The following FHIP2B variants were observed in gnomAD, a reference collection of about 807,000 sequenced individuals.
FHIP2B encodes the protein FHF complex subunit HOOK interacting protein 2B.
A neutral mutation model predicts 84.0 loss-of-function variants in FHIP2B; 72 were observed. That is an observed-to-expected ratio of 0.86 (90% confidence interval 0.71 to 1.04). The LOEUF (loss-of-function observed/expected upper bound fraction) is 1.04. FHIP2B is among the 50% of genes least tolerant of loss of function. The probability of loss-of-function intolerance (pLI) is 0.00; values close to 1 mark genes in which losing one functional copy is unlikely to be tolerated. For missense variants in FHIP2B, 972 were observed against 968.9 expected (o/e 1.00, Z -0.04); for synonymous variants, 497 against 418.7 (o/e 1.19, Z -2.28).
chr8:22,096,294 C>T, intron 2 of FHIP2B, 43 bp from the exon 3 acceptor site: 1 of 1,465,156 alleles, frequency 6.8e-7, no homozygotes, highest in Non-Finnish European at 9.1e-7. Flanking sequence ...AGCCGGGGTG[C>T]CCCTCTTTAC....
At chr8:22,096,093 CT>C in intron 2 of FHIP2B, 12 of 430,780 alleles carry the variant, frequency 2.8e-5, no homozygotes, top group Non-Finnish European at 4.5e-5. Context: ...CTGCTGCCCC[CT>C]GATAAAGGGC....
intron 2 of FHIP2B, chr8:22,095,531 A>G (rs1184184909): frequency 6.6e-6 from 1 of 152,214 alleles, no homozygotes; most frequent in African/African-American, 2.4e-5. Flanking sequence ...CTTGAAGGAG[A>G]GCCTCAGTCC....
chr8:22,089,771 G>C, intron 1 of FHIP2B: 1 of 1,285,334 alleles, frequency 7.8e-7, no homozygotes, highest in East Asian at 5.6e-5. Flanking sequence ...ACAACTCCAG[G>C]ACCTTGTTGG....
chr8:22,091,701 G>A (rs994704606), intron 1 of FHIP2B, among the ~76,000 whole-genome samples: 3 of 152,142 alleles, frequency 2.0e-5, no homozygotes, highest in South Asian at 4.1e-4. Flanking sequence ...GTCTCCTGCC[G>A]TACTGGAGTA....
chr8:22,101,196 T>C (rs1826093069), intron 12 of FHIP2B: 1 of 655,048 alleles, frequency 1.5e-6, no homozygotes, highest in Non-Finnish European at 2.6e-6. Context: ...CTAATTTTTA[T>C]AGTTTTAGTA....
intron 2 of FHIP2B, chr8:22,096,110 A>G (rs1291871387): frequency 8.4e-6 from 4 of 477,300 alleles, no homozygotes; most frequent in African/African-American, 2.0e-5. Flanking sequence ...AGGGCTGGGC[A>G]TGCATGCGTT....
chr8:22,090,517 T>C (rs1825434122), intron 1 of FHIP2B, among the ~76,000 whole-genome samples: 1 of 152,194 alleles, frequency 6.6e-6, no homozygotes, highest in Non-Finnish European at 1.5e-5. Flanking sequence ...ACAGCTGTGA[T>C]CTTCAAAAGT....
chr8:22,096,299 C>G (rs747212164), intron 2 of FHIP2B, 38 bp from the exon 3 acceptor site: 5 of 1,499,046 alleles, frequency 3.3e-6, no homozygotes, highest in Non-Finnish European at 3.6e-6. Flanking sequence ...GGGTGCCCCT[C>G]TTTACCCTAC....
chr8:22,100,663 C>T lies in FHIP2B; in HGVS notation c.1411C>T (p.Leu471=), dbSNP rs1826056131. 1.9e-6 allele frequency: 3 copies of T among 1,607,156 alleles called. No individual in the cohort carries two copies. The highest frequency in any genetic ancestry group is 4.5e-5 in the East Asian group (2 of 44,790). Residue 471 remains leucine (L), a synonymous_variant, in exon 11 of 17, where the codon CTG becomes TTG. Coordinates refer to ENST00000289921, the MANE Select transcript of FHIP2B (RefSeq NM_022749.7). ...GCCCCACGAGGGGATCATCCACAGC[C>T]TGGTCCTGCGCAACCTTGAGGGCCG... ...QKPHEGIIHS[L]VLRNLEGRPY...
At chr8:22,090,669 G>A (rs1825443038) in intron 1 of FHIP2B, among the ~76,000 whole-genome samples, 1 of 152,074 alleles carries the variant, frequency 6.6e-6, no homozygotes, top group Admixed American at 6.5e-5. Context: ...TCTGAGCCCA[G>A]GCTAGACTAC....
At position 22,100,564 on chromosome 8, in the gene FHIP2B, GCT is replaced by G. The variant is rs1416689692; in HGVS notation, c.1342-29_1342-28del. 2.6e-6 allele frequency: 4 copies of G among 1,515,314 alleles called. No individual in the cohort carries two copies. In the African/African-American group the frequency reaches 5.6e-5, roughly 21 times the overall value. The allele number at this position is 1,515,314 out of a possible 1,614,324, so 93.9% of individuals were successfully genotyped here. ...CCCCTGGGAGCTGGGTGGGGAAGGG[GCT>G]ATCCTGCCGACCCCCTTCCTGCTCC... On this transcript the variant is annotated intron_variant, in intron 10 of 16. Coordinates refer to ENST00000289921, the MANE Select transcript of FHIP2B (RefSeq NM_022749.7).
chr8:22,093,589 G>A (rs1825608000), intron 1 of FHIP2B, among the ~76,000 whole-genome samples: 1 of 151,958 alleles, frequency 6.6e-6, no homozygotes, highest in South Asian at 2.1e-4. Flanking sequence ...CATGTTATAA[G>A]GAAGGCACAT....
At chr8:22,089,559 C>G (rs529930019) in intron 1 of FHIP2B, among the ~76,000 whole-genome samples, 43 of 152,118 alleles carry the variant, frequency 2.8e-4, no homozygotes, top group Non-Finnish European at 4.7e-4. Context: ...TCTGTGCGTC[C>G]TGGCCCCGGA....
intron 5 of FHIP2B, 87 bp downstream of exon 5, chr8:22,097,926 G>C: frequency 6.4e-7 from 1 of 1,570,112 alleles, no homozygotes; most frequent in Non-Finnish European, 8.7e-7. Flanking sequence ...CAGAAGCAGA[G>C]ATCAGGTACC....
Position 22,099,896 on chromosome 8 carries a change from A to T in FHIP2B, c.1341+3A>T, listed in dbSNP as rs372021625. 1 of 1,601,670 alleles carries T rather than the reference A, an allele frequency of 6.2e-7. No individual in the cohort carries two copies. The highest frequency in any genetic ancestry group is 1.3e-5 in the African/African-American group (1 of 74,378). The stretch of plus-strand genomic sequence containing the variant: ...ATTGTGACCACCTCTCTGATGAGGT[A>T]CAGTGGGGGACCTCCATCTCTGTTC... On this transcript the variant is annotated splice_donor_region_variant and intron_variant, in intron 10 of 16. Coordinates refer to ENST00000289921, the MANE Select transcript of FHIP2B (RefSeq NM_022749.7).
Position 22,097,727 on chromosome 8 carries a change from G to A in FHIP2B, c.413G>A (p.Arg138Gln), listed in dbSNP as rs898635675. 48 of 1,612,906 alleles carry A rather than the reference G, an allele frequency of 3.0e-5. No individual in the cohort carries two copies. Among genetic ancestry groups the A allele is most frequent in the Non-Finnish European group, 4.0e-5 (47 of 1,179,740 alleles). Residue 138 changes from arginine to glutamine, a missense_variant, in exon 5 of 17, where the codon CGA becomes CAA. Arg to Gln is a conservative substitution (Grantham distance 43). Coordinates refer to ENST00000289921, the MANE Select transcript of FHIP2B (RefSeq NM_022749.7). The part of the protein sequence containing the change: ...SVHRPVQKLL[R>Q]LGGTASGSVT... ...CTGGTGCTCTTCCAGAAACTCCTCCGACTTGGTGGGACTGCTTCCGGATCC... is the reference window on the plus strand; with the variant it reads ...CTGGTGCTCTTCCAGAAACTCCTCCAACTTGGTGGGACTGCTTCCGGATCC...
At chr8:22,096,786 A>C in intron 3 of FHIP2B, 3 of 349,662 alleles carry the variant, frequency 8.6e-6, no homozygotes, top group Admixed American at 4.8e-5. Context: ...CACTTAGAAC[A>C]CTCCACCATC....
At chr8:22,101,382 C>A in intron 12 of FHIP2B, 58 bp from the exon 13 acceptor site, 1 of 1,409,246 alleles carries the variant, frequency 7.1e-7, no homozygotes, top group Non-Finnish European at 9.8e-7. Context: ...TGGGGTCCCA[C>A]AAGCAGGGGA....
rs1826106590 is a variant in FHIP2B at position 22,101,438 on chromosome 8, A to T, written c.1617-2A>T. ...GCCTCCACACCGGCTTCTATCTCTCAGTTTCCTGTGCCTGGTCCCCGAGGA... is the reference window on the plus strand; with the variant it reads ...GCCTCCACACCGGCTTCTATCTCTCTGTTTCCTGTGCCTGGTCCCCGAGGA... On this transcript the variant is annotated splice_acceptor_variant, in intron 12 of 16. Transcript: ENST00000289921. LOFTEE classifies it high-confidence loss of function. 6.2e-7 allele frequency: 1 copy of T among 1,605,998 alleles called. No individual in the cohort carries two copies. Among genetic ancestry groups the T allele is most frequent in the East Asian group, 2.2e-5 (1 of 44,626 alleles).
Sources: allele counts gnomAD v4.1 joint callset (sites outside exome capture counted in the v4.1 genomes callset), GRCh38; gene constraint gnomAD v4.1.1; transcripts MANE v1.5; gene names NCBI Gene and HGNC (gene_info 2026-07-23, HGNC 2026-07-21).